PALM: variants seen among roughly 807,000 people sequenced by gnomAD.
PALM encodes the protein paralemmin-1.
PALM carries 18 observed loss-of-function variants against 30.7 expected under a neutral mutation model. The observed-to-expected ratio is 0.59, with a 90% CI of 0.41 to 0.87. The LOEUF (loss-of-function observed/expected upper bound fraction) is 0.87. Ranked by LOEUF, PALM falls within the 40% of genes least tolerant of loss-of-function variation. The pLI, the probability that PALM is intolerant of heterozygous loss-of-function variation, is 0.00. For missense variants in PALM, 529 were observed against 555.4 expected, an observed-to-expected ratio of 0.95 and a Z score of 0.48; for synonymous variants, 286 against 242.8, an observed-to-expected ratio of 1.18 and a Z score of -1.66.
intron 1 of PALM, among the ~76,000 whole-genome samples, chr19:718,625 C>T (rs1036040125): frequency 2.4e-4 from 37 of 152,192 alleles, no homozygotes; most frequent in African/African-American, 8.4e-4. Context: ...TCCTCTCCCC[C>T]GGGGTGATGC....
chr19:745,053 G>T (rs564869233), intron 8 of PALM, among the ~76,000 whole-genome samples: 9 of 151,954 alleles, frequency 5.9e-5, no homozygotes, highest in African/African-American at 2.2e-4. Flanking sequence ...GGTGGCAGGT[G>T]CCTGTAATCC....
rs926974061 is a variant in PALM, at chr19:747,425, C to G, written c.*611C>G. 6.5e-6 allele frequency: 1 copy of G among 153,086 alleles called. No homozygotes were observed. The highest frequency in any genetic ancestry group is 2.4e-5 in the African/African-American group (1 of 41,442). 9.5% of individuals were successfully genotyped at this position (153,086 alleles called of 1,614,324 possible). ...GCCCCTATGCCCTGTGTGGGCCCAA[C>G]CAGTGGACAATGGAGTCTGGGGGAG... On this transcript the variant is annotated 3_prime_UTR_variant, in exon 9 of 9. Transcript: ENST00000338448.
chr19:719,693 C>G (rs2032392666), intron 1 of PALM: 2 of 898,628 alleles, frequency 2.2e-6, no homozygotes, highest in Non-Finnish European at 2.7e-6. Flanking sequence ...CGCTTCCTTC[C>G]GTGACCCCTG....
chr19:740,651 G>A (rs1034254050), intron 8 of PALM, among the ~76,000 whole-genome samples, 168 bp downstream of exon 8: 2 of 152,364 alleles, frequency 1.3e-5, no homozygotes, highest in Non-Finnish European at 2.9e-5. Flanking sequence ...CCACAGCTGG[G>A]CTCAGAGGTC....
intron 4 of PALM, among the ~76,000 whole-genome samples, chr19:730,673 C>T (rs969932824): frequency 6.6e-6 from 1 of 152,098 alleles, no homozygotes; most frequent in East Asian, 1.9e-4. Context: ...TGAAAGAGCA[C>T]GATGCCTCTT....
At chr19:711,562 G>A in intron 1 of PALM, among the ~76,000 whole-genome samples, 1 of 152,234 alleles carries the variant, frequency 6.6e-6, no homozygotes. Context: ...GGCAGAGCCT[G>A]TTAAAAGGCA....
chr19:721,257 A>AATT (rs765891066), intron 1 of PALM, among the ~76,000 whole-genome samples: 5 of 152,034 alleles, frequency 3.3e-5, no homozygotes, highest in African/African-American at 7.2e-5. Flanking sequence ...GGGTCTGATT[A>AATT]ATTATTATTA....
chr19:737,732 C>G (rs1361464568), intron 7 of PALM, among the ~76,000 whole-genome samples: 1 of 152,128 alleles, frequency 6.6e-6, no homozygotes, highest in Non-Finnish European at 1.5e-5. Flanking sequence ...AGGACTGCGC[C>G]TGGGGTGTTG....
chr19:711,845 C>T (rs1033914427), intron 1 of PALM, among the ~76,000 whole-genome samples: 1 of 152,088 alleles, frequency 6.6e-6, no homozygotes, highest in African/African-American at 2.4e-5. Context: ...GTCTCGAACT[C>T]CTGGGCTCAA....
At position 726,146 on chromosome 19, in the gene PALM, C is replaced by T. The variant is rs372771354; in HGVS notation, c.14C>T (p.Ala5Val). Reference sequence around the variant, plus strand: ...TTATCTCCCTCCCGCAGGGTCCTGGCGGCAGAGACCACGTCCCAGCAGGAG... The same window carrying T: ...TTATCTCCCTCCCGCAGGGTCCTGGTGGCAGAGACCACGTCCCAGCAGGAG... The part of the protein sequence containing the change: MEVL[A>V]AETTSQQERL... Residue 5 changes from alanine to valine, a missense_variant, in exon 2 of 9, where the codon GCG becomes GTG. Ala to Val is a moderately conservative substitution (Grantham distance 64). Transcript: ENST00000338448. The T allele has an allele frequency of 8.4e-5, 136 of 1,612,734 alleles. No homozygotes were observed. Among genetic ancestry groups the T allele is most frequent in the South Asian group, 4.9e-4 (45 of 91,068 alleles).
Position 746,900 on chromosome 19 carries a change from A to G in PALM, c.*86A>G. On this transcript the variant is annotated 3_prime_UTR_variant, in exon 9 of 9. Transcript: ENST00000338448. The surrounding 1 kb of genome is among the most constrained non-coding windows in gnomAD (Gnocchi z 7.1). ...CCCGGCGCCTGCCCACCCTCCACCC[A>G]CAGCCTCACGGGTCCAGGACTTGGC... 1.5e-6 allele frequency: 1 copy of G among 685,200 alleles called. No individual in the cohort carries two copies. Among genetic ancestry groups the G allele is most frequent in the Non-Finnish European group, 2.3e-6 (1 of 439,388 alleles). 42.4% of individuals were successfully genotyped at this position (685,200 alleles called of 1,614,324 possible).
chr19:736,150 G>A (rs955683400), intron 7 of PALM, 72 bp downstream of exon 7: 21 of 1,095,384 alleles, frequency 1.9e-5, no homozygotes, highest in South Asian at 6.7e-5. Context: ...CCGGGGGGCC[G>A]GGTGGGGCGG....
At chr19:727,943 C>G (rs904845432) in intron 4 of PALM, 2 of 473,276 alleles carry the variant, frequency 4.2e-6, no homozygotes, top group Non-Finnish European at 7.5e-6. Flanking sequence ...GGAGATACCC[C>G]TTTCCCTTCC....
intron 8 of PALM, among the ~76,000 whole-genome samples, chr19:745,579 CA>C (rs2033314213): frequency 6.6e-6 from 1 of 151,174 alleles, no homozygotes; most frequent in Non-Finnish European, 1.5e-5. Flanking sequence ...CCTGTAATCC[CA>C]GCTACTCAGG....
At chr19:715,270 T>G (rs1343785650) in intron 1 of PALM, among the ~76,000 whole-genome samples, 2 of 151,408 alleles carry the variant, frequency 1.3e-5, no homozygotes, top group Non-Finnish European at 2.9e-5. Flanking sequence ...AGACTCCGTC[T>G]CAAAAAAAAA....
At chr19:741,149 AAAAT>A (rs1458726166) in intron 8 of PALM, among the ~76,000 whole-genome samples, 1 of 152,088 alleles carries the variant, frequency 6.6e-6, no homozygotes, top group East Asian at 1.9e-4. Context: ...TTAAGAATAA[AAAAT>A]AATAATAAAG....
intron 6 of PALM, 29 bp from the exon 7 acceptor site, chr19:735,988 ATC>A (rs900453487): frequency 8.8e-6 from 14 of 1,593,670 alleles, no homozygotes; most frequent in East Asian, 2.3e-5. Flanking sequence ...TCTGACCCTC[ATC>A]TCTCTCTCCG....
intron 4 of PALM, among the ~76,000 whole-genome samples, chr19:730,078 TGA>T (rs1470968900): frequency 1.3e-5 from 2 of 152,224 alleles, no homozygotes; most frequent in Admixed American, 1.3e-4. Flanking sequence ...GTGCTGAAAC[TGA>T]GCTGCTCTGG....
At chr19:719,865 C>T (rs1313934817) in intron 1 of PALM, among the ~76,000 whole-genome samples, 1 of 152,114 alleles carries the variant, frequency 6.6e-6, no homozygotes, top group Admixed American at 6.6e-5. Flanking sequence ...CAGGAGGGAG[C>T]GAGCGCTGGG....
Sources: gnomAD v4.1 joint callset for allele counts (sites outside exome capture counted in the v4.1 genomes callset) on GRCh38, gnomAD v4.1.1 for gene constraint, Gnocchi (gnomAD v3.1) non-coding constraint, MANE v1.5 for transcripts, NCBI Gene and HGNC (gene_info 2026-07-23, HGNC 2026-07-21) for gene names.